The following RASA2 variants were observed in gnomAD, a reference collection of about 807,000 sequenced individuals.
RASA2 encodes the protein ras GTPase-activating protein 2.
RASA2 carries 155 observed loss-of-function variants against 118.2 expected under a neutral mutation model. The ratio of observed to expected loss-of-function variants is 1.31; its 90% CI spans 1.15 to 1.50. RASA2 has a LOEUF of 1.50. Ranked by LOEUF, RASA2 falls within the 40% of genes most tolerant of loss-of-function variation. The pLI is 0.00. For missense variants in RASA2, 1,016 were observed against 1,009.6 expected, an observed-to-expected ratio of 1.01 and a Z score of -0.09; for synonymous variants, 353 against 349.1, an observed-to-expected ratio of 1.01 and a Z score of -0.12.
intron 2 of RASA2, 76 bp from the exon 3 acceptor site, chr3:141,516,252 A>C: frequency 1.0e-6 from 1 of 980,118 alleles, no homozygotes; most frequent in Non-Finnish European, 1.3e-6. Context: ...GTATTTATAC[A>C]ATTATTATTG....
At chr3:141,555,805 G>T in intron 6 of RASA2, 35 bp from the exon 7 acceptor site, 2 of 1,568,092 alleles carry the variant, frequency 1.3e-6, no homozygotes, top group Non-Finnish European at 1.7e-6. Context: ...GTACTGTTAA[G>T]TTCTACAAGG....
Position 141,607,693 on chromosome 3 carries a change from A to G in RASA2, c.1949A>G (p.Tyr650Cys). 1 of 1,596,592 alleles carries G rather than the reference A, an allele frequency of 6.3e-7. No homozygotes were observed. The highest frequency in any genetic ancestry group is 2.3e-5 in the East Asian group (1 of 44,388). Reference sequence around the variant, plus strand: ...TATTATTTAGGCAAAGATGCAATCTACACAATCCCAGTAAAAAACATTCTT... The same window carrying G: ...TATTATTTAGGCAAAGATGCAATCTGCACAATCCCAGTAAAAAACATTCTT... Reference protein sequence around the residue: ...YHKQPGKDAIYTIPVKNILAV... With the variant: ...YHKQPGKDAICTIPVKNILAV... Residue 650 changes from tyrosine (Y) to cysteine (C), a missense_variant, in exon 20 of 24, where the codon TAC becomes TGC. Tyr to Cys is a radical substitution (Grantham distance 194, BLOSUM62 -2). Around this residue, in one of 2 missense-constraint regions of RASA2, gnomAD observed 896 missense variants for 836.4 expected, o/e 1.07. Coordinates refer to ENST00000286364, the MANE Select transcript of RASA2 (RefSeq NM_006506.5).
chr3:141,570,549 CTTAAA>C (rs1286210432), intron 9 of RASA2, among the ~76,000 whole-genome samples: 1 of 152,162 alleles, frequency 6.6e-6, no homozygotes, highest in Non-Finnish European at 1.5e-5. Flanking sequence ...ATGCCTCTTT[CTTAAA>C]TTTAGTTGGT....
In RASA2 at chr3:141,580,424, A is replaced by G; in HGVS notation, c.1647A>G (p.Gly549=). ...TLISKTIQTL[G]SWGSLSKSKS... ...TCTCAAAAACTATACAAACTTTGGG[A>G]AGCTGGGGGAGTCTGTCCAAAAGCA... Residue 549 remains glycine, a synonymous_variant, in exon 16 of 24, where the codon GGA becomes GGG. Transcript: ENST00000286364. The G allele has an allele frequency of 6.2e-7, 1 of 1,608,742 alleles. No homozygotes were observed. The highest frequency in any genetic ancestry group is 2.2e-5 in the East Asian group (1 of 44,716).
intron 5 of RASA2, among the ~76,000 whole-genome samples, chr3:141,548,503 C>T (rs1398506156): frequency 6.6e-6 from 1 of 152,084 alleles, no homozygotes; most frequent in African/African-American, 2.4e-5. Context: ...TCCATACTCA[C>T]TGTCTTGTAG....
chr3:141,607,620 A>G lies in RASA2; in HGVS notation c.1934-58A>G, dbSNP rs940173433. On this transcript the variant is annotated intron_variant, in intron 19 of 23. Transcript: ENST00000286364. ...TTAAACCCTACAGAATTAACCTCTC[A>G]TCTTTATAATTCTGATGGAAATTAC... 19 of 1,482,810 alleles carry G rather than the reference A, an allele frequency of 1.3e-5. No homozygotes were observed. In the African/African-American group the frequency reaches 2.0e-4, roughly 16 times the overall value. 91.9% of individuals were successfully genotyped at this position (1,482,810 alleles called of 1,614,324 possible).
chr3:141,610,093 C>G (rs367684811), intron 23 of RASA2, 27 bp downstream of exon 23: 53 of 1,517,868 alleles, frequency 3.5e-5, no homozygotes, highest in Non-Finnish European at 4.3e-5. Flanking sequence ...CTATTGTAAA[C>G]ATATTTTTAA....
At chr3:141,608,730 T>C in intron 21 of RASA2, 33 bp downstream of exon 21, 2 of 1,575,000 alleles carry the variant, frequency 1.3e-6, no homozygotes, top group Non-Finnish European at 1.7e-6. Flanking sequence ...AAGCAGTGTG[T>C]CAAAATTTGA....
chr3:141,571,200 A>G, intron 10 of RASA2, 132 bp downstream of exon 10: 1 of 1,098,112 alleles, frequency 9.1e-7, no homozygotes, highest in Non-Finnish European at 1.3e-6. Context: ...ATATATATAC[A>G]CACACACATT....
At chr3:141,500,227 T>G (rs1055639374) in intron 1 of RASA2, among the ~76,000 whole-genome samples, 1 of 152,154 alleles carries the variant, frequency 6.6e-6, no homozygotes, top group African/African-American at 2.4e-5. Context: ...CCCCCCTCCT[T>G]TTTTTGTTTT....
chr3:141,586,849 T>G (rs751554862), intron 19 of RASA2, 97 bp downstream of exon 19: 103 of 964,612 alleles, frequency 1.1e-4, no homozygotes, highest in Non-Finnish European at 1.1e-5. Flanking sequence ...TTCAGTAATA[T>G]TACTGTAGTT....
chr3:141,567,524 T>G (rs1053792889), intron 9 of RASA2, among the ~76,000 whole-genome samples: 1 of 152,230 alleles, frequency 6.6e-6, no homozygotes, highest in African/African-American at 2.4e-5. Context: ...AAATGCATTT[T>G]AATGTATTTT....
chr3:141,570,645 A>G (rs1214459627), intron 9 of RASA2, among the ~76,000 whole-genome samples: 2 of 152,172 alleles, frequency 1.3e-5, no homozygotes, highest in Admixed American at 1.3e-4. Flanking sequence ...AAGCTAATCA[A>G]ACTCTTGTTC....
chr3:141,503,508 C>T (rs372037789), intron 1 of RASA2, among the ~76,000 whole-genome samples: 16 of 152,220 alleles, frequency 1.1e-4, no homozygotes, highest in East Asian at 3.9e-4. Flanking sequence ...GTTTATCTTT[C>T]GCGCTTTAAA....
Position 141,569,768 on chromosome 3 carries a change from A to G in RASA2, c.864-1144A>G, listed in dbSNP as rs150397208. On this transcript the variant is annotated intron_variant, in intron 9 of 23. Coordinates refer to ENST00000286364, the MANE Select transcript of RASA2 (RefSeq NM_006506.5). ...AACAAAGTACCGGATGGTTTTTTCA[A>G]TCCCTACCCCCCTATCTCCCTCCCC... is the stretch of plus-strand genomic sequence containing the variant. Among the ~76,000 whole-genome samples the G allele has an allele frequency of 5.2e-3, 792 of 152,076 alleles. 2 individuals carry two copies. Among genetic ancestry groups the G allele is most frequent in the Non-Finnish European group, 8.8e-3 (595 of 67,974 alleles).
At chr3:141,571,665 T>A in intron 11 of RASA2, 111 bp downstream of exon 11, 1 of 1,031,806 alleles carries the variant, frequency 9.7e-7, no homozygotes, top group Non-Finnish European at 1.4e-6. Flanking sequence ...CCTTACTGTA[T>A]AGTAGGCTGA....
chr3:141,491,466 T>C (rs985972216), intron 1 of RASA2, among the ~76,000 whole-genome samples: 2 of 152,208 alleles, frequency 1.3e-5, no homozygotes, highest in Non-Finnish European at 2.9e-5. Flanking sequence ...TTGATTCTTG[T>C]TCATTTTTAA....
chr3:141,523,974 T>C (rs1327369323), intron 3 of RASA2, among the ~76,000 whole-genome samples: 5 of 152,256 alleles, frequency 3.3e-5, no homozygotes, highest in Non-Finnish European at 7.3e-5. Context: ...TTAAGCAAAA[T>C]TTACTGTGTA....
intron 3 of RASA2, among the ~76,000 whole-genome samples, chr3:141,528,737 G>A (rs774375834): frequency 4.0e-5 from 6 of 151,762 alleles, no homozygotes; most frequent in Non-Finnish European, 7.4e-5. Flanking sequence ...AAAAGTTGAC[G>A]TATCTTGACA....
Sources: allele counts gnomAD v4.1 joint callset (sites outside exome capture counted in the v4.1 genomes callset), GRCh38; gene constraint gnomAD v4.1.1; regional missense constraint gnomAD v4.1.1; transcripts MANE v1.5; gene names NCBI Gene and HGNC (gene_info 2026-07-23, HGNC 2026-07-21).